The following CEP350 variants were observed in gnomAD, a reference collection of about 807,000 sequenced individuals.
CEP350 encodes centrosomal protein 350.
A neutral mutation model predicts 331.8 loss-of-function variants in CEP350; 126 were observed. The ratio of observed to expected loss-of-function variants is 0.38; its 90% confidence interval spans 0.33 to 0.44. The LOEUF is 0.44. CEP350 is among the 20% of genes least tolerant of loss of function. The pLI is 1.00. For missense variants in CEP350, 3,406 were observed against 3,634.6 expected (o/e 0.94, Z 1.62); for synonymous variants, 1,200 against 1,259.5 (o/e 0.95, Z 1.00).
At chr1:180,103,550 T>C (rs1208167036) in intron 37 of CEP350, among the ~76,000 whole-genome samples, 1 of 152,182 alleles carries the variant, frequency 6.6e-6, no homozygotes, top group Non-Finnish European at 1.5e-5. Context: ...AATTGGTCTT[T>C]TCTGTTTTCC....
At chr1:179,976,748 C>T (rs909188761) in intron 1 of CEP350, among the ~76,000 whole-genome samples, 2 of 151,632 alleles carry the variant, frequency 1.3e-5, no homozygotes, top group African/African-American at 2.4e-5. Context: ...GCTTTTTTCT[C>T]TCTAAGTACA....
intron 1 of CEP350, among the ~76,000 whole-genome samples, chr1:179,972,485 A>G (rs1156291120): frequency 6.6e-6 from 1 of 152,038 alleles, no homozygotes; most frequent in Non-Finnish European, 1.5e-5. Flanking sequence ...ATAGAAGTCA[A>G]GGGAAAAGAG....
At position 180,103,477 on chromosome 1, in the gene CEP350, T is replaced by C. The variant is rs114714047; in HGVS notation, c.9189+4492T>C. 4.1e-3 allele frequency among the ~76,000 whole-genome samples: 632 copies of C among 152,320 alleles called. 8 individuals carry two copies. The highest frequency in any genetic ancestry group is 0.015 in the African/African-American group (605 of 41,574). ...CCCTATCTGCTTAAGTAATTTCTTT[T>C]TTAACTTTTATATCATTCTGACCTC... On this transcript the variant is annotated intron_variant, in intron 37 of 37. Transcript: ENST00000367607.
rs980339363 is a variant in CEP350, at chr1:179,990,377, G to T, written c.121-130G>T. 6 of 423,842 alleles carry T rather than the reference G, an allele frequency of 1.4e-5. No homozygotes were observed. In the East Asian group the frequency reaches 2.1e-4, roughly 15 times the overall value. The allele number at this position is 423,842 out of a possible 1,614,324, so 26.3% of individuals were successfully genotyped here. On this transcript the variant is annotated intron_variant, in intron 3 of 37. Transcript: ENST00000367607. Reference sequence around the variant, plus strand: ...GATGAAAAACAAATATTATAAGAAAGGATTCCTGAGTTTTTTTCTACTTTG... The same window carrying T: ...GATGAAAAACAAATATTATAAGAAATGATTCCTGAGTTTTTTTCTACTTTG...
At chr1:180,050,036 GGAAATGGAGTTAGGAATCTAAA>G (rs1331580204) in intron 22 of CEP350, among the ~76,000 whole-genome samples, 1 of 152,166 alleles carries the variant, frequency 6.6e-6, no homozygotes, top group Non-Finnish European at 1.5e-5. Flanking sequence ...CTTGAGTTGA[GGAAATGGAGTTAGGAATCTAAA>G]GAAGCCAAGA....
intron 20 of CEP350, among the ~76,000 whole-genome samples, chr1:180,043,785 TGTGTG>T (rs1173636934): frequency 1.6e-5 from 2 of 127,716 alleles, no homozygotes; most frequent in Non-Finnish European, 3.8e-5. Context: ...TGTGTGTGTG[TGTGTG>T]TGTGTGTGTG....
chr1:179,965,750 A>G (rs956878046), intron 1 of CEP350, among the ~76,000 whole-genome samples: 3 of 149,882 alleles, frequency 2.0e-5, no homozygotes, highest in African/African-American at 7.4e-5. Flanking sequence ...CCTATTGAAT[A>G]GCTGGGATTA....
At position 180,045,965 on chromosome 1, in the gene CEP350, T is replaced by C. The variant is rs183943148; in HGVS notation, c.4622+1792T>C. ...GAAGAACCATGCTCTCTGTCTTCTG[T>C]GCCATTGCATATGATATACCTTCTT... On this transcript the variant is annotated intron_variant, in intron 21 of 37. Transcript: ENST00000367607. 1.3e-3 allele frequency among the ~76,000 whole-genome samples: 202 copies of C among 152,342 alleles called. 1 individual carries two copies. Among genetic ancestry groups the C allele is most frequent in the African/African-American group, 4.6e-3 (193 of 41,580 alleles).
intron 1 of CEP350, among the ~76,000 whole-genome samples, chr1:179,961,019 G>A (rs1008443836): frequency 6.6e-6 from 1 of 151,882 alleles, no homozygotes; most frequent in South Asian, 2.1e-4. Context: ...TCCATGTTCT[G>A]TGCTCCCAAA....
intron 34 of CEP350, among the ~76,000 whole-genome samples, chr1:180,094,857 A>G (rs999272107): frequency 6.6e-6 from 1 of 152,190 alleles, no homozygotes; most frequent in Non-Finnish European, 1.5e-5. Context: ...GGTTGTCACA[A>G]GCACTGGCAG....
chr1:180,077,200 A>G (rs1013502535), intron 28 of CEP350, among the ~76,000 whole-genome samples: 3 of 152,162 alleles, frequency 2.0e-5, no homozygotes, highest in African/African-American at 7.2e-5. Context: ...TCATATACAA[A>G]ATTCAATTGC....
At position 180,112,751 on chromosome 1, in the gene CEP350, T is replaced by G. The variant is rs1398911163; in HGVS notation, c.*1590T>G. 1 of 152,662 alleles carries G rather than the reference T, an allele frequency of 6.6e-6. No homozygotes were observed. Among genetic ancestry groups the G allele is most frequent in the Admixed American group, 6.5e-5 (1 of 15,278 alleles). The allele number at this position is 152,662 out of a possible 1,614,324, so 9.5% of individuals were successfully genotyped here. On this transcript the variant is annotated 3_prime_UTR_variant, in exon 38 of 38. Transcript: ENST00000367607. Reference sequence around the variant, plus strand: ...AAAACCCCAAAGATGGTATAATCTTTAAGTGTGCACGTTCGTTTATTTCTG... The same window carrying G: ...AAAACCCCAAAGATGGTATAATCTTGAAGTGTGCACGTTCGTTTATTTCTG...
intron 36 of CEP350, among the ~76,000 whole-genome samples, chr1:180,097,436 A>C (rs376183765): frequency 6.6e-6 from 1 of 152,298 alleles, no homozygotes; most frequent in South Asian, 2.1e-4. Flanking sequence ...CTTGAATGCT[A>C]TGTGTGTCTG....
chr1:179,989,583 T>A (rs1282707497), intron 3 of CEP350, among the ~76,000 whole-genome samples: 2 of 152,208 alleles, frequency 1.3e-5, no homozygotes, highest in African/African-American at 4.8e-5. Flanking sequence ...TTATATTGTT[T>A]CTGTTTTCCT....
At chr1:180,003,099 A>C in intron 6 of CEP350, 75 bp from the exon 7 acceptor site, 1 of 902,172 alleles carries the variant, frequency 1.1e-6, no homozygotes, top group Non-Finnish European at 1.7e-6. Flanking sequence ...ATTATATATC[A>C]CTTTAAAAAG....
At chr1:180,029,060 T>C (rs1354274862) in intron 14 of CEP350, among the ~76,000 whole-genome samples, 1 of 152,138 alleles carries the variant, frequency 6.6e-6, no homozygotes, top group Non-Finnish European at 1.5e-5. Flanking sequence ...ATATGTTCCA[T>C]CTGGTGGTGA....
At chr1:180,041,079 A>T in intron 17 of CEP350, 59 bp from the exon 18 acceptor site, 1 of 1,220,118 alleles carries the variant, frequency 8.2e-7, no homozygotes, top group Non-Finnish European at 1.2e-6. Context: ...TGTGTGTTAT[A>T]GTCACTGTGT....
At chr1:180,074,900 G>C in intron 27 of CEP350, 122 bp from the exon 28 acceptor site, 1 of 741,120 alleles carries the variant, frequency 1.3e-6, no homozygotes, top group Non-Finnish European at 2.1e-6. Flanking sequence ...TCAGAGAGAA[G>C]AGTAGTATGA....
intron 17 of CEP350, among the ~76,000 whole-genome samples, chr1:180,037,436 A>G (rs984448489): frequency 3.0e-5 from 4 of 131,790 alleles, no homozygotes; most frequent in East Asian, 2.2e-4. Flanking sequence ...TTTAAGTTCT[A>G]TTTGTACCAA....
Sources: allele counts gnomAD v4.1 joint callset (sites outside exome capture counted in the v4.1 genomes callset), GRCh38; gene constraint gnomAD v4.1.1; transcripts MANE v1.5; gene names NCBI Gene and HGNC (gene_info 2026-07-23, HGNC 2026-07-21).